Variants in ZRANB2 observed in about 807,000 individuals in gnomAD.
The protein encoded by ZRANB2 is zinc finger Ran-binding domain-containing protein 2.
ZRANB2 carries 19 observed loss-of-function variants against 53.4 expected under a neutral mutation model. The observed-to-expected ratio is 0.36, with a 90% CI of 0.25 to 0.52. The LOEUF is 0.52. Ranked by LOEUF, ZRANB2 falls within the 20% of genes least tolerant of loss-of-function variation. The pLI, the probability that ZRANB2 is intolerant of heterozygous loss-of-function variation, is 0.93. For synonymous variants in ZRANB2, 145 were observed against 134.8 expected, an observed-to-expected ratio of 1.08 and a Z score of -0.52; for missense variants, 309 against 401.1, an observed-to-expected ratio of 0.77 and a Z score of 1.96.
intron 1 of ZRANB2, among the ~76,000 whole-genome samples, chr1:71,079,368 A>C (rs1661783495): frequency 6.6e-6 from 1 of 152,168 alleles, no homozygotes; most frequent in Non-Finnish European, 1.5e-5. Context: ...CTCAAACCTA[A>C]AGAATTACTG....
chr1:71,074,861 G>A (rs765276286), intron 4 of ZRANB2, among the ~76,000 whole-genome samples: 2 of 152,052 alleles, frequency 1.3e-5, no homozygotes, highest in African/African-American at 4.8e-5. Flanking sequence ...ATTACAAATA[G>A]CCAAAAGAAA....
At chr1:71,080,249 T>A (rs2101054180) in intron 1 of ZRANB2, among the ~76,000 whole-genome samples, 1 of 152,288 alleles carries the variant, frequency 6.6e-6, no homozygotes, top group African/African-American at 2.4e-5. Context: ...GAGTACTGGC[T>A]TTGGCAACAA....
chr1:71,067,126 AATTTTG>A lies in ZRANB2; in HGVS notation c.771-198_771-193del, dbSNP rs2101041175. 6.6e-6 allele frequency: 3 copies of A among 456,652 alleles called. No individual in the cohort carries two copies. The South Asian group carries it at 1.8e-4, about 27-fold the overall frequency. 28.3% of individuals were successfully genotyped at this position (456,652 alleles called of 1,614,324 possible). On this transcript the variant is annotated intron_variant, in intron 8 of 9. Coordinates refer to ENST00000370920, the MANE Select transcript of ZRANB2 (RefSeq NM_203350.3). ...TGAAAACATTCTACTTAAACATTTT[AATTTTG>A]TCTCTTTAAAATTCTATCATGTGTA... is the stretch of plus-strand genomic sequence containing the variant.
At position 71,078,717 on chromosome 1, in the gene ZRANB2, A is replaced by G; in HGVS notation, c.57-9T>C. 1 of 1,607,662 alleles carries G rather than the reference A, an allele frequency of 6.2e-7. No homozygotes were observed. The highest frequency in any genetic ancestry group is 8.5e-7 in the Non-Finnish European group (1 of 1,175,794). ...AGTTTACATTTCCACATCTAAAAAC[A>G]GATTAAAAAGCATTTATAAAAATTT... On this transcript the variant is annotated splice_polypyrimidine_tract_variant and intron_variant, in intron 1 of 9. Coordinates refer to ENST00000370920, the MANE Select transcript of ZRANB2 (RefSeq NM_203350.3).
In ZRANB2 at chr1:71,080,991, G is replaced by C; in HGVS notation, c.5C>G (p.Ser2Trp). The change falls in exon 1 of 10, where the codon TCG becomes TGG. Residue 2 changes from serine to tryptophan, a missense_variant. Physicochemically the swap from Ser to Trp is radical, Grantham distance 177. Around this residue, in one of 3 missense-constraint regions of ZRANB2, gnomAD observed 24 missense variants for 24.9 expected, o/e 0.96. Coordinates refer to ENST00000370920, the MANE Select transcript of ZRANB2 (RefSeq NM_203350.3). ...GTCACTGACTCGGAAATTCTTGGTC[G>C]ACATCTTGAACGCCACCAGCACAGC... M[S>W]TKNFRVSDGD... is the part of the protein sequence containing the mutation. The C allele has an allele frequency of 6.2e-7, 1 of 1,614,110 alleles. No homozygotes were observed. Among genetic ancestry groups the C allele is most frequent in the Non-Finnish European group, 8.5e-7 (1 of 1,180,024 alleles).
At chr1:71,079,150 T>C (rs1488305637) in intron 1 of ZRANB2, among the ~76,000 whole-genome samples, 1 of 151,008 alleles carries the variant, frequency 6.6e-6, no homozygotes, top group East Asian at 1.9e-4. Context: ...ATTATCTTTT[T>C]ACATGCAGTA....
chr1:71,066,158 G>GT (rs1358856862), intron 9 of ZRANB2: 1 of 160,682 alleles, frequency 6.2e-6, no homozygotes, highest in East Asian at 1.9e-4. Context: ...TAATTAGCCT[G>GT]TTGCAGAAAA....
intron 4 of ZRANB2, among the ~76,000 whole-genome samples, chr1:71,076,067 T>A (rs1483069748): frequency 6.6e-6 from 1 of 152,056 alleles, no homozygotes; most frequent in Non-Finnish European, 1.5e-5. Context: ...CAAGCCTAAG[T>A]CTGACAGGGT....
intron 8 of ZRANB2, chr1:71,067,320 C>T (rs569948662): frequency 5.2e-6 from 1 of 192,174 alleles, no homozygotes; most frequent in Non-Finnish European, 1.1e-5. Flanking sequence ...AAATATGTAT[C>T]TTATATACCA....
intron 4 of ZRANB2, among the ~76,000 whole-genome samples, 160 bp downstream of exon 4, chr1:71,076,635 A>T (rs534769423): frequency 6.6e-6 from 1 of 152,108 alleles, no homozygotes; most frequent in African/African-American, 2.4e-5. Flanking sequence ...AAAGATTTGT[A>T]TGTGTGTATG....
At chr1:71,071,711 A>C (rs1661596849) in intron 6 of ZRANB2, among the ~76,000 whole-genome samples, 2 of 152,070 alleles carry the variant, frequency 1.3e-5, no homozygotes, top group African/African-American at 2.4e-5. Context: ...TCTCTGCCTA[A>C]ATGTGCTCTC....
rs1374191527 is a variant in ZRANB2, at chr1:71,066,855, T to G, written c.850A>C (p.Asn284His). The G allele has an allele frequency of 6.2e-7, 1 of 1,612,574 alleles. No individual in the cohort carries two copies. The stretch of plus-strand genomic sequence containing the variant: ...GATCTAGAACGACTTCTCTTTCTGT[T>G]CCTCTCAGGAGAAGATGATGAACTT... ...YSSSSSSPER[N>H]RKRSRSRSSS... Residue 284 changes from asparagine (N) to histidine (H), a missense_variant, in exon 9 of 10, where the codon AAC becomes CAC. Transcript: ENST00000370920.
At chr1:71,071,751 A>C (rs1467891503) in intron 6 of ZRANB2, among the ~76,000 whole-genome samples, 1 of 152,128 alleles carries the variant, frequency 6.6e-6, no homozygotes, top group African/African-American at 2.4e-5. Flanking sequence ...GCTCCTTCCT[A>C]TCATTCAAGT....
At chr1:71,070,140 ATTGCCCATGCCATCACTTAACTGTGAT>A (rs1477812569) in intron 7 of ZRANB2, among the ~76,000 whole-genome samples, 1 of 152,146 alleles carries the variant, frequency 6.6e-6, no homozygotes, top group Non-Finnish European at 1.5e-5. Context: ...ATTAAAATTC[ATTGCCCATGCCATCACTTAACTGTGAT>A]TAAGGTTTTT....
chr1:71,078,667 C>A lies in ZRANB2; in HGVS notation c.98G>T (p.Arg33Leu). 1 of 1,612,996 alleles carries A rather than the reference C, an allele frequency of 6.2e-7. No homozygotes were observed. ...CTTTAAATACTTACCCCGACCACAT[C>A]GATTACAGCTGGTTCTTCTAGCAAA... ...VNFARRTSCN[R>L]CGREKTTEAK... is the part of the protein sequence containing the mutation. The change falls in exon 2 of 10, where the codon CGA becomes CTA. Residue 33 changes from arginine to leucine, a missense_variant. By Grantham distance (102) the Arg-to-Leu change is moderately radical. Coordinates refer to ENST00000370920, the MANE Select transcript of ZRANB2 (RefSeq NM_203350.3).
At position 71,070,832 on chromosome 1, in the gene ZRANB2, C is replaced by T. The variant is rs1396746000; in HGVS notation, c.678G>A (p.Arg226=). The T allele has an allele frequency of 6.3e-7, 1 of 1,586,988 alleles. No homozygotes were observed. The highest frequency in any genetic ancestry group is 1.8e-5 in the Admixed American group (1 of 57,000). Residue 226 remains arginine, a synonymous_variant, in exon 7 of 10, where the codon AGG becomes AGA. Transcript: ENST00000370920. Reference sequence around the variant, plus strand: ...CTTGACCTGTACCCGTTTACCTGGACCTAGACCTTGAACTTGAGGGGGAGG... The same window carrying T: ...CTTGACCTGTACCCGTTTACCTGGATCTAGACCTTGAACTTGAGGGGGAGG... ...RSSSPSSSRS[R]SRSRSRSSSS...
chr1:71,072,499 T>C lies in ZRANB2; in HGVS notation c.351A>G (p.Arg117=), dbSNP rs1382102278. 1.2e-6 allele frequency: 2 copies of C among 1,607,792 alleles called. No homozygotes were observed. The highest frequency in any genetic ancestry group is 1.7e-6 in the Non-Finnish European group (2 of 1,175,506). ...CATCATATTCACCATCAGATTCTTC[T>C]CTTTCTATATATTCAACATTTTCTC... ...NERENVEYIE[R]EESDGEYDEF... Residue 117 remains arginine (R), a synonymous_variant, in exon 5 of 10, where the codon AGA becomes AGG. Transcript: ENST00000370920.
chr1:71,066,888 A>C lies in ZRANB2; in HGVS notation c.817T>G (p.Ser273Ala), dbSNP rs750912929. 1.2e-6 allele frequency: 2 copies of C among 1,604,586 alleles called. No homozygotes were observed. ...HRGSSSPRKR[S>A]YSSSSSSPER... ...GGAGAAGATGATGAACTTGAATAAG[A>C]TCTTTTTCGTGGGGAAGAAGAGCCC... is the stretch of plus-strand genomic sequence containing the variant. Residue 273 changes from serine to alanine, a missense_variant, in exon 9 of 10, where the codon TCT (serine) becomes GCT (alanine). Around this residue, in one of 3 missense-constraint regions of ZRANB2, gnomAD observed 211 missense variants for 196.1 expected, o/e 1.08. Transcript: ENST00000370920.
intron 9 of ZRANB2, chr1:71,065,669 A>AT: frequency 6.2e-7 from 1 of 1,607,868 alleles, no homozygotes; most frequent in Non-Finnish European, 8.5e-7. Context: ...TGAATAAGTC[A>AT]ATATCAACCT....
Sources: gnomAD v4.1 joint callset for allele counts (sites outside exome capture counted in the v4.1 genomes callset) on GRCh38, gnomAD v4.1.1 for gene constraint, gnomAD v4.1.1 regional missense constraint, MANE v1.5 for transcripts, NCBI Gene and HGNC (gene_info 2026-07-23, HGNC 2026-07-21) for gene names.